Variants in TASP1 observed in about 807,000 individuals in gnomAD.
TASP1 encodes the protein taspase 1, also known as threonine aspartase 1.
Under a neutral mutation model 56.6 loss-of-function variants are expected in TASP1, and 16 were observed. The observed-to-expected ratio is 0.28, with a 90% CI of 0.19 to 0.43. The LOEUF (loss-of-function observed/expected upper bound fraction) is 0.43, where lower values mean the gene tolerates loss of function less well. Among genes scored for constraint, TASP1 ranks in the 20% least tolerant of loss-of-function variants. The pLI is 1.00. For missense variants in TASP1, 393 were observed against 511.6 expected (o/e 0.77, Z 2.24); for synonymous variants, 179 against 184.2 (o/e 0.97, Z 0.23).
chr20:13,262,465 CT>C, the TASP1 span, among the ~76,000 whole-genome samples: 242 of 144,664 alleles, frequency 1.7e-3, no homozygotes, highest in Middle Eastern at 3.6e-3. Flanking sequence ...TTTTCTTTTT[CT>C]TTTTTTTTTT....
At chr20:13,431,406 T>G (rs1471054076) in intron 12 of TASP1, among the ~76,000 whole-genome samples, 1 of 152,216 alleles carries the variant, frequency 6.6e-6, no homozygotes, top group Non-Finnish European at 1.5e-5. Flanking sequence ...TGACAAACCC[T>G]GATCTTTATG....
the TASP1 span, among the ~76,000 whole-genome samples, chr20:13,191,432 T>C: frequency 6.6e-6 from 1 of 152,226 alleles, no homozygotes; most frequent in Non-Finnish European, 1.5e-5. Context: ...TTTCTGCATT[T>C]TGCAGTAACA....
chr20:13,633,913 T>C (rs920279469), intron 1 of TASP1, among the ~76,000 whole-genome samples: 2 of 152,258 alleles, frequency 1.3e-5, no homozygotes, highest in African/African-American at 4.8e-5. Context: ...ATTTTGCAAT[T>C]TCCTCCTAGT....
the TASP1 span, among the ~76,000 whole-genome samples, chr20:13,105,175 G>A: frequency 6.6e-6 from 1 of 152,114 alleles, no homozygotes; most frequent in Non-Finnish European, 1.5e-5. Context: ...AGGGGCTAAG[G>A]TGGGGCCAGA....
chr20:13,286,032 C>A, the TASP1 span, among the ~76,000 whole-genome samples: 7 of 152,210 alleles, frequency 4.6e-5, no homozygotes, highest in Non-Finnish European at 8.8e-5. Flanking sequence ...ACAGGTGATG[C>A]AAACTCTACC....
At chr20:13,614,147 C>G (rs2048443315) in intron 4 of TASP1, among the ~76,000 whole-genome samples, 1 of 152,106 alleles carries the variant, frequency 6.6e-6, no homozygotes, top group African/African-American at 2.4e-5. Context: ...ATAGAGCACT[C>G]TACTTTCAAC....
At chr20:13,590,860 T>A (rs1002117979) in intron 4 of TASP1, among the ~76,000 whole-genome samples, 1 of 151,510 alleles carries the variant, frequency 6.6e-6, no homozygotes, top group Non-Finnish European at 1.5e-5. Context: ...AGCAACACAC[T>A]GTCTCAAAAA....
chr20:13,496,230 T>G (rs1037109270), intron 10 of TASP1, among the ~76,000 whole-genome samples: 3 of 152,008 alleles, frequency 2.0e-5, no homozygotes, highest in African/African-American at 7.3e-5. Flanking sequence ...ATTTTTGTAT[T>G]TTTTAGTAGA....
the TASP1 span, chr20:13,279,810 C>A: frequency 6.2e-7 from 1 of 1,614,008 alleles, no homozygotes; most frequent in Non-Finnish European, 8.5e-7. Context: ...GTACCTCAGA[C>A]GACAGCAACT....
chr20:13,503,532 A>G (rs2146661602), intron 10 of TASP1, among the ~76,000 whole-genome samples: 1 of 152,302 alleles, frequency 6.6e-6, no homozygotes, highest in Non-Finnish European at 1.5e-5. Flanking sequence ...TCAACTGCAA[A>G]GCCAGTAATG....
the TASP1 span, among the ~76,000 whole-genome samples, chr20:13,246,885 T>C: frequency 1.1e-3 from 167 of 150,944 alleles, 2 homozygotes; most frequent in African/African-American, 3.7e-3. Context: ...CCTTCTCTCT[T>C]TTTTTTTTAA....
intron 2 of TASP1, 95 bp from the exon 3 acceptor site, chr20:13,625,347 T>TA (rs2048853047): frequency 3.0e-6 from 3 of 1,016,592 alleles, no homozygotes; most frequent in Non-Finnish European, 2.8e-6. Flanking sequence ...GCTGTCCTAG[T>TA]AAAAAACAAA....
chr20:13,629,087 C>T (rs1331642878), intron 2 of TASP1, among the ~76,000 whole-genome samples: 2 of 152,106 alleles, frequency 1.3e-5, no homozygotes, highest in African/African-American at 2.4e-5. Context: ...GAGGGTGGGC[C>T]GGGTGTGGTG....
At chr20:13,276,228 C>G in the TASP1 span, among the ~76,000 whole-genome samples, 1 of 152,164 alleles carries the variant, frequency 6.6e-6, no homozygotes, top group Non-Finnish European at 1.5e-5. Context: ...GCTCACAAGG[C>G]TTAGAGGACC....
chr20:13,229,651 C>T, the TASP1 span, among the ~76,000 whole-genome samples: 7 of 152,088 alleles, frequency 4.6e-5, no homozygotes, highest in South Asian at 1.4e-3. Context: ...TTCTGTGGAC[C>T]TATGTTTTCA....
At chr20:13,603,145 C>T (rs900664291) in intron 4 of TASP1, among the ~76,000 whole-genome samples, 6 of 152,026 alleles carry the variant, frequency 3.9e-5, no homozygotes, top group African/African-American at 1.4e-4. Flanking sequence ...GCTAGAGAAT[C>T]GCTTGAACCC....
At chr20:13,121,517 G>A in the TASP1 span, among the ~76,000 whole-genome samples, 3 of 152,200 alleles carry the variant, frequency 2.0e-5, no homozygotes, top group Non-Finnish European at 2.9e-5. Context: ...AGGCCTGTGT[G>A]TAGAGAAAAC....
At chr20:13,288,669 G>A in the TASP1 span, 19 of 1,613,492 alleles carry the variant, frequency 1.2e-5, no homozygotes, top group East Asian at 8.9e-5. Flanking sequence ...ACCTGTGACC[G>A]TCCAAACTGC....
chr20:13,604,012 G>A (rs538130138), intron 4 of TASP1, among the ~76,000 whole-genome samples: 2 of 152,244 alleles, frequency 1.3e-5, no homozygotes. Flanking sequence ...CTGTTAGGCC[G>A]ATTTAGCTAG....
Sources: gnomAD v4.1 joint callset for allele counts (sites outside exome capture counted in the v4.1 genomes callset) on GRCh38, gnomAD v4.1.1 for gene constraint, MANE v1.5 for transcripts, NCBI Gene and HGNC (gene_info 2026-07-23, HGNC 2026-07-21) for gene names.